The following KCNG3 variants were observed in gnomAD, a reference collection of about 807,000 sequenced individuals.
The protein encoded by KCNG3 is potassium voltage-gated channel modifier subfamily G member 3, also known as voltage-gated potassium channel regulatory subunit KCNG3.
KCNG3 carries 15 observed loss-of-function variants against 29.0 expected under a neutral mutation model. The ratio of observed to expected loss-of-function variants is 0.52; its 90% confidence interval spans 0.35 to 0.80. The LOEUF (loss-of-function observed/expected upper bound fraction) is 0.80, where lower values mean the gene tolerates loss of function less well. KCNG3 is among the 30% of genes least tolerant of loss of function. KCNG3 has a pLI of 0.01. For synonymous variants in KCNG3, 322 were observed against 248.9 expected, an observed-to-expected ratio of 1.29 and a Z score of -2.76; for missense variants, 512 against 605.7, an observed-to-expected ratio of 0.85 and a Z score of 1.62.
chr2:42,433,957 C>T, the KCNG3 span, among the ~76,000 whole-genome samples: 2 of 152,044 alleles, frequency 1.3e-5, no homozygotes, highest in Non-Finnish European at 2.9e-5. Flanking sequence ...GACTTGTACA[C>T]TGAAAACTAT....
intron 1 of KCNG3, among the ~76,000 whole-genome samples, chr2:42,489,667 T>C (rs568008229): frequency 3.3e-5 from 5 of 151,346 alleles, no homozygotes; most frequent in African/African-American, 7.3e-5. Flanking sequence ...TGATGAATAA[T>C]CCAATTTCAG....
intron 1 of KCNG3, among the ~76,000 whole-genome samples, chr2:42,490,929 A>G (rs975620638): frequency 1.3e-5 from 2 of 152,196 alleles, no homozygotes; most frequent in Non-Finnish European, 2.9e-5. Context: ...AATGAGCAGC[A>G]TCCTCATTCG....
intron 1 of KCNG3, among the ~76,000 whole-genome samples, chr2:42,481,050 G>C (rs1333924677): frequency 6.6e-6 from 1 of 152,182 alleles, no homozygotes; most frequent in African/African-American, 2.4e-5. Context: ...CAAAGTGCTG[G>C]GATTTCAGGC....
chr2:42,469,955 C>A, intron 1 of KCNG3: 1 of 392,402 alleles, frequency 2.5e-6, no homozygotes, highest in South Asian at 3.5e-5. Flanking sequence ...CTGACTCCTT[C>A]ACAAACCGGT....
At chr2:42,426,953 G>T in the KCNG3 span, among the ~76,000 whole-genome samples, 1 of 152,162 alleles carries the variant, frequency 6.6e-6, no homozygotes, top group Admixed American at 6.5e-5. Context: ...TTTACTCAAT[G>T]TAAGTACAAA....
chr2:42,455,972 T>C (rs1026575615), intron 1 of KCNG3, among the ~76,000 whole-genome samples: 12 of 149,144 alleles, frequency 8.0e-5, no homozygotes, highest in Admixed American at 1.3e-4. Context: ...ACATTTAAAA[T>C]AATATATAGT....
At chr2:42,472,195 A>G (rs908466243) in intron 1 of KCNG3, among the ~76,000 whole-genome samples, 5 of 152,218 alleles carry the variant, frequency 3.3e-5, no homozygotes, top group African/African-American at 1.2e-4. Context: ...CTACAGTAAT[A>G]GCAAAATTTC....
At chr2:42,417,388 A>T in the KCNG3 span, among the ~76,000 whole-genome samples, 5 of 152,154 alleles carry the variant, frequency 3.3e-5, no homozygotes, top group Non-Finnish European at 7.4e-5. Flanking sequence ...CTGCACAATT[A>T]TGGCTTACTG....
chr2:42,416,825 A>G, the KCNG3 span, among the ~76,000 whole-genome samples: 1 of 152,072 alleles, frequency 6.6e-6, no homozygotes, highest in Non-Finnish European at 1.5e-5. Context: ...TCTCAAAAAA[A>G]AAAAAAAGAA....
chr2:42,435,547 T>A, the KCNG3 span, among the ~76,000 whole-genome samples: 29 of 152,298 alleles, frequency 1.9e-4, no homozygotes, highest in Admixed American at 3.3e-4. Flanking sequence ...GTATCCAGAA[T>A]AAACAACTCT....
At chr2:42,447,159 C>T (rs979373981) in intron 1 of KCNG3, among the ~76,000 whole-genome samples, 3 of 151,276 alleles carry the variant, frequency 2.0e-5, no homozygotes, top group African/African-American at 7.3e-5. Flanking sequence ...AATTCCCCTC[C>T]CTGGAGTCAA....
chr2:42,451,009 A>G (rs1672735699), intron 1 of KCNG3, among the ~76,000 whole-genome samples: 1 of 152,048 alleles, frequency 6.6e-6, no homozygotes, highest in Non-Finnish European at 1.5e-5. Context: ...GTTCGAGACC[A>G]GCCTGGCCAA....
the KCNG3 span, among the ~76,000 whole-genome samples, chr2:42,431,341 T>A: frequency 6.8e-3 from 1,037 of 151,940 alleles, 14 homozygotes; most frequent in African/African-American, 0.024. Flanking sequence ...TTTAAATAAA[T>A]ATGTAACATT....
At chr2:42,455,861 G>A (rs1201729274) in intron 1 of KCNG3, among the ~76,000 whole-genome samples, 1 of 150,956 alleles carries the variant, frequency 6.6e-6, no homozygotes, top group Non-Finnish European at 1.5e-5. Flanking sequence ...AAAGCTAAAT[G>A]AATTACACAA....
At chr2:42,476,627 T>C (rs908349192) in intron 1 of KCNG3, among the ~76,000 whole-genome samples, 6 of 151,694 alleles carry the variant, frequency 4.0e-5, no homozygotes, top group Non-Finnish European at 7.4e-5. Flanking sequence ...GCTGGGGTTA[T>C]AGGCGCACAC....
chr2:42,493,597 G>A lies in KCNG3; in HGVS notation c.-96C>T, dbSNP rs1027438448. 77 of 1,138,540 alleles carry A rather than the reference G, an allele frequency of 6.8e-5. No homozygotes were observed. The highest frequency in any genetic ancestry group is 8.0e-5 in the Non-Finnish European group (72 of 904,090). 70.5% of individuals were successfully genotyped at this position (1,138,540 alleles called of 1,614,324 possible). The stretch of plus-strand genomic sequence containing the variant: ...GCCTGCCTGCCCGTGGCTGACGGGG[G>A]AGCGCGCCGTCGGGGCCCGCGCTCC... On this transcript the variant is annotated 5_prime_UTR_variant, in exon 1 of 2. Transcript: ENST00000306078.
At chr2:42,491,877 T>C (rs1673886453) in intron 1 of KCNG3, among the ~76,000 whole-genome samples, 1 of 152,118 alleles carries the variant, frequency 6.6e-6, no homozygotes, top group Non-Finnish European at 1.5e-5. Context: ...GGAAGGAGGA[T>C]CTTAAGACAG....
At chr2:42,452,243 A>ATATATATATATATATATATTTTTTTTT in intron 1 of KCNG3, among the ~76,000 whole-genome samples, 2 of 95,066 alleles carry the variant, frequency 2.1e-5, no homozygotes, top group African/African-American at 7.9e-5. Context: ...ATATATATAT[A>ATATATATATATATATATATTTTTTTTT]TTTTTTTTTT....
chr2:42,439,801 C>T (rs1672436629), downstream of KCNG3, among the ~76,000 whole-genome samples: 1 of 151,474 alleles, frequency 6.6e-6, no homozygotes, highest in African/African-American at 2.4e-5. Context: ...CACCACGATG[C>T]CCAGCTAGTT....
Sources: allele counts gnomAD v4.1 joint callset (sites outside exome capture counted in the v4.1 genomes callset), GRCh38; gene constraint gnomAD v4.1.1; transcripts MANE v1.5; gene names NCBI Gene and HGNC (gene_info 2026-07-23, HGNC 2026-07-21).